The following VTI1A variants were observed in gnomAD, a reference collection of about 807,000 sequenced individuals.
The protein encoded by VTI1A is vesicle transport through interaction with t-SNAREs homolog 1A.
A neutral mutation model predicts 34.9 loss-of-function variants in VTI1A; 22 were observed. The ratio of observed to expected loss-of-function variants is 0.63; its 90% CI spans 0.45 to 0.90. VTI1A has a LOEUF of 0.90. Among genes scored for constraint, VTI1A ranks in the 40% least tolerant of loss-of-function variants. VTI1A has a pLI of 0.00. For missense variants in VTI1A, 268 were observed against 275.6 expected (o/e 0.97, Z 0.20); for synonymous variants, 87 against 97.3 (o/e 0.89, Z 0.62).
chr10:112,836,215 A>G, the VTI1A span, among the ~76,000 whole-genome samples: 3 of 152,166 alleles, frequency 2.0e-5, no homozygotes, highest in Admixed American at 6.5e-5. Flanking sequence ...CCCAGCCCCA[A>G]CTGGGAAGTG....
At position 112,764,797 on chromosome 10, in the gene VTI1A, T is replaced by C. The variant is rs559564863; in HGVS notation, c.561-50493T>C. Among the ~76,000 whole-genome samples the C allele has an allele frequency of 9.8e-5, 15 of 152,340 alleles. No homozygotes were observed. The South Asian group carries it at 3.1e-3, about 32-fold the overall frequency. On this transcript the variant is annotated intron_variant, in intron 7 of 7. Coordinates refer to ENST00000393077, the MANE Select transcript of VTI1A (RefSeq NM_145206.4). ...AGTTAGTGTTGTCAGCGCACCACAA[T>C]TTGCTCATACAAATCTGTATTAGTG... is the stretch of plus-strand genomic sequence containing the variant.
At chr10:112,847,181 T>G in the VTI1A span, among the ~76,000 whole-genome samples, 11 of 152,196 alleles carry the variant, frequency 7.2e-5, no homozygotes, top group Non-Finnish European at 1.2e-4. Context: ...TTTCTTCTGT[T>G]GAACAGTGTC....
chr10:112,621,814 C>G (rs375724364), intron 5 of VTI1A, among the ~76,000 whole-genome samples: 4 of 152,194 alleles, frequency 2.6e-5, no homozygotes, highest in African/African-American at 9.6e-5. Context: ...ACTGACTACT[C>G]CAGAGTCCCT....
intron 3 of VTI1A, among the ~76,000 whole-genome samples, chr10:112,494,288 TCTC>T (rs1848935316): frequency 6.6e-6 from 1 of 152,010 alleles, no homozygotes; most frequent in Non-Finnish European, 1.5e-5. Context: ...GTAACAAATG[TCTC>T]CTCTTCTGTT....
intron 5 of VTI1A, among the ~76,000 whole-genome samples, chr10:112,603,192 A>C (rs1844942506): frequency 6.6e-6 from 1 of 152,226 alleles, no homozygotes; most frequent in South Asian, 2.1e-4. Context: ...GGTTTGGGCC[A>C]TGTGGCATTG....
intron 5 of VTI1A, among the ~76,000 whole-genome samples, chr10:112,601,827 G>A (rs1200263209): frequency 6.6e-6 from 1 of 152,112 alleles, no homozygotes; most frequent in Non-Finnish European, 1.5e-5. Context: ...TTTTTCTGAA[G>A]GGCATTGGGA....
At position 112,667,959 on chromosome 10, in the gene VTI1A, G is replaced by T. The variant is rs184803121; in HGVS notation, c.428-259G>T. 5.8e-3 allele frequency among the ~76,000 whole-genome samples: 878 copies of T among 152,186 alleles called. 9 individuals are homozygous for T. Among genetic ancestry groups the T allele is most frequent in the South Asian group, 0.012 (56 of 4,822 alleles). The stretch of plus-strand genomic sequence containing the variant: ...ACCTTTGCTGATATTTGCTGGAGTG[G>T]CCTGGACAAGACATCATCTCTAAAT... On this transcript the variant is annotated intron_variant, in intron 5 of 7. Transcript: ENST00000393077.
intron 5 of VTI1A, among the ~76,000 whole-genome samples, chr10:112,559,746 G>T (rs1851659017): frequency 6.6e-6 from 1 of 152,202 alleles, no homozygotes; most frequent in East Asian, 1.9e-4. Context: ...TGTTAATTCT[G>T]TACACACAGA....
At chr10:112,531,767 C>T (rs1850452307) in intron 4 of VTI1A, among the ~76,000 whole-genome samples, 1 of 152,138 alleles carries the variant, frequency 6.6e-6, no homozygotes, top group Non-Finnish European at 1.5e-5. Context: ...AAGAAAAGAT[C>T]GCTGGCCGAT....
intron 5 of VTI1A, among the ~76,000 whole-genome samples, chr10:112,648,837 A>G (rs1054467568): frequency 3.3e-5 from 5 of 152,300 alleles, no homozygotes; most frequent in East Asian, 3.9e-4. Context: ...CTGATCAACA[A>G]TTTCTCAGCT....
chr10:112,709,169 A>C (rs1355797036), intron 7 of VTI1A, among the ~76,000 whole-genome samples: 1 of 151,950 alleles, frequency 6.6e-6, no homozygotes, highest in Non-Finnish European at 1.5e-5. Context: ...CCCGGCCTTC[A>C]TTTCATTTCA....
intron 7 of VTI1A, among the ~76,000 whole-genome samples, chr10:112,683,723 A>G (rs563887474): frequency 7.9e-5 from 12 of 152,286 alleles, no homozygotes; most frequent in African/African-American, 2.4e-4. Flanking sequence ...TTAAAAAGTT[A>G]TTATAATAAC....
chr10:112,690,337 G>T (rs899863399), intron 7 of VTI1A, among the ~76,000 whole-genome samples: 1 of 152,154 alleles, frequency 6.6e-6, no homozygotes, highest in Admixed American at 6.5e-5. Flanking sequence ...GAACCTATCC[G>T]ATTGTTCCCA....
intron 7 of VTI1A, among the ~76,000 whole-genome samples, chr10:112,709,198 G>A (rs970847670): frequency 6.6e-6 from 1 of 152,156 alleles, no homozygotes; most frequent in African/African-American, 2.4e-5. Context: ...TTCTCCCCAG[G>A]AATTGGCTCC....
intron 5 of VTI1A, among the ~76,000 whole-genome samples, chr10:112,558,321 T>TA (rs967602070): frequency 1.3e-5 from 2 of 151,910 alleles, no homozygotes; most frequent in Admixed American, 6.6e-5. Flanking sequence ...TTAATTTTTT[T>TA]AAAAAAAAGT....
intron 3 of VTI1A, among the ~76,000 whole-genome samples, chr10:112,466,596 A>G (rs186159807): frequency 6.6e-6 from 1 of 152,222 alleles, no homozygotes; most frequent in Non-Finnish European, 1.5e-5. Context: ...ACTCAAATTT[A>G]TACTGAGAAA....
At chr10:112,606,135 C>T (rs1379512665) in intron 5 of VTI1A, among the ~76,000 whole-genome samples, 16 of 151,822 alleles carry the variant, frequency 1.1e-4, no homozygotes, top group Admixed American at 1.0e-3. Context: ...AGCAATTCTC[C>T]TGCCTCAGCC....
At chr10:112,850,927 T>C in the VTI1A span, among the ~76,000 whole-genome samples, 1 of 152,182 alleles carries the variant, frequency 6.6e-6, no homozygotes, top group Non-Finnish European at 1.5e-5. Context: ...TGCCAGTTGA[T>C]TCAAATAAAC....
chr10:112,592,507 C>G (rs1236741708), intron 5 of VTI1A, among the ~76,000 whole-genome samples: 3 of 152,212 alleles, frequency 2.0e-5, no homozygotes. Flanking sequence ...CATTGAGTTT[C>G]TGCCTCCGCA....
Sources: gnomAD v4.1 joint callset for allele counts (sites outside exome capture counted in the v4.1 genomes callset) on GRCh38, gnomAD v4.1.1 for gene constraint, MANE v1.5 for transcripts, NCBI Gene and HGNC (gene_info 2026-07-23, HGNC 2026-07-21) for gene names.